The following RTTN variants were observed in gnomAD, a reference collection of about 807,000 sequenced individuals.
RTTN encodes rotatin.
In RTTN, 182 loss-of-function variants were observed where a neutral mutation model predicts 269.2. The ratio of observed to expected loss-of-function variants is 0.68; its 90% confidence interval spans 0.60 to 0.76. RTTN has a LOEUF of 0.76. Ranked by LOEUF, RTTN falls within the 30% of genes least tolerant of loss-of-function variation. RTTN has a pLI of 0.00. For missense variants in RTTN, 2,545 were observed against 2,608.6 expected (o/e 0.98, Z 0.53); for synonymous variants, 1,006 against 963.5 (o/e 1.04, Z -0.82).
At chr18:70,196,428 TAA>T in intron 7 of RTTN, 71 bp downstream of exon 7, 1 of 1,340,906 alleles carries the variant, frequency 7.5e-7, no homozygotes, top group Non-Finnish European at 1.0e-6. Context: ...ACCCTAACAG[TAA>T]CTATAATGGA....
chr18:70,030,840 A>C (rs565911943), intron 41 of RTTN, 36 bp downstream of exon 41: 1 of 1,426,908 alleles, frequency 7.0e-7, no homozygotes, highest in East Asian at 2.3e-5. Context: ...TGAATTGATA[A>C]TGCCATCAAA....
chr18:70,092,286 TA>T, intron 29 of RTTN, 66 bp from the exon 30 acceptor site: 1 of 991,366 alleles, frequency 1.0e-6, no homozygotes, highest in Middle Eastern at 2.1e-4. Flanking sequence ...GCAGGAAGGT[TA>T]AAACAAGAAT....
intron 28 of RTTN, among the ~76,000 whole-genome samples, chr18:70,095,855 G>A (rs1240515738): frequency 6.6e-6 from 1 of 151,960 alleles, no homozygotes; most frequent in Non-Finnish European, 1.5e-5. Context: ...TGATAGGTTG[G>A]GGAAGTTCTC....
At chr18:70,041,635 T>C (rs181391196) in intron 40 of RTTN, among the ~76,000 whole-genome samples, 1 of 152,308 alleles carries the variant, frequency 6.6e-6, no homozygotes, top group Non-Finnish European at 1.5e-5. Context: ...CCAGTTTCTA[T>C]GTAACTAAGC....
intron 30 of RTTN, among the ~76,000 whole-genome samples, chr18:70,088,597 G>A (rs761442277): frequency 4.6e-5 from 7 of 151,964 alleles, no homozygotes; most frequent in East Asian, 1.9e-4. Context: ...AAGGCATTTC[G>A]TATTTTCCTC....
intron 40 of RTTN, among the ~76,000 whole-genome samples, chr18:70,036,997 G>A (rs2057194321): frequency 6.6e-6 from 1 of 152,202 alleles, no homozygotes; most frequent in African/African-American, 2.4e-5. Flanking sequence ...AGCAGCGACT[G>A]GGGGACTTCA....
intron 32 of RTTN, among the ~76,000 whole-genome samples, chr18:70,083,617 T>C (rs1555720622): frequency 6.6e-6 from 1 of 152,148 alleles, no homozygotes; most frequent in Non-Finnish European, 1.5e-5. Context: ...TTTAATACTT[T>C]AAAAAAATAA....
chr18:70,040,362 T>A (rs1036932960), intron 40 of RTTN, among the ~76,000 whole-genome samples: 1 of 151,962 alleles, frequency 6.6e-6, no homozygotes, highest in Non-Finnish European at 1.5e-5. Flanking sequence ...ACAAAAACTG[T>A]AAGGACAGAC....
chr18:70,144,345 G>A (rs753495296), intron 18 of RTTN, among the ~76,000 whole-genome samples: 3 of 152,090 alleles, frequency 2.0e-5, no homozygotes, highest in African/African-American at 2.4e-5. Context: ...TGGTATTCCC[G>A]TGGGCCTCTC....
intron 32 of RTTN, among the ~76,000 whole-genome samples, chr18:70,080,143 A>G (rs928159903): frequency 1.3e-5 from 2 of 152,092 alleles, no homozygotes; most frequent in Admixed American, 1.3e-4. Flanking sequence ...ATACATATTA[A>G]TCATATCAAA....
At chr18:70,081,619 T>C (rs1444676095) in intron 32 of RTTN, among the ~76,000 whole-genome samples, 1 of 152,118 alleles carries the variant, frequency 6.6e-6, no homozygotes, top group Non-Finnish European at 1.5e-5. Context: ...CTAATTGAAG[T>C]ATATTACAAC....
At position 70,011,905 on chromosome 18, in the gene RTTN, G is replaced by A. The variant is rs184896375; in HGVS notation, c.6422-5421C>T. Among the ~76,000 whole-genome samples, 64 of 150,982 alleles carry A rather than the reference G, an allele frequency of 4.2e-4. No individual in the cohort carries two copies. In the South Asian group the frequency reaches 0.013, roughly 30 times the overall value. On this transcript the variant is annotated intron_variant, in intron 46 of 48. Transcript: ENST00000640769. Reference sequence around the variant, plus strand: ...TCACTGGTGTTAGATAGAGGGTAGCGTCTGCTCCTGGTATTGGTTAGAAGG... The same window carrying A: ...TCACTGGTGTTAGATAGAGGGTAGCATCTGCTCCTGGTATTGGTTAGAAGG...
At chr18:70,051,579 T>A (rs772772992) in intron 38 of RTTN, 31 bp from the exon 39 acceptor site, 6 of 1,523,278 alleles carry the variant, frequency 3.9e-6, no homozygotes, top group Non-Finnish European at 5.4e-6. Context: ...CTTCAAGTTA[T>A]TAACACAAAG....
intron 35 of RTTN, 71 bp downstream of exon 35, chr18:70,065,758 T>C: frequency 9.8e-7 from 1 of 1,020,266 alleles, no homozygotes. Context: ...GACATTTACT[T>C]TCAAAATATC....
intron 21 of RTTN, 97 bp from the exon 22 acceptor site, chr18:70,135,377 C>T (rs1414681977): frequency 1.4e-5 from 10 of 700,190 alleles, no homozygotes; most frequent in Non-Finnish European, 2.1e-5. Flanking sequence ...AAAAGAAATG[C>T]AACATAAACC....
In RTTN at chr18:70,075,476, A is replaced by G. The variant is rs202069774; in HGVS notation, c.4440T>C (p.Leu1480=). ...SLIGKPALQA[L]LYHCHFYEHL... ...GTTCATAAAAATGGCAGTGATATAA[A>G]AGAGCCTGAAGGGCAGGTTTTCCAA... Residue 1480 remains leucine, a synonymous_variant, in exon 33 of 49, where the codon CTT becomes CTC. Coordinates refer to ENST00000640769, the MANE Select transcript of RTTN (RefSeq NM_173630.4). 1 of 1,608,474 alleles carries G rather than the reference A, an allele frequency of 6.2e-7. No homozygotes were observed. Among genetic ancestry groups the G allele is most frequent in the African/African-American group, 1.3e-5 (1 of 74,568 alleles).
At chr18:70,077,456 A>G (rs2058457021) in intron 32 of RTTN, among the ~76,000 whole-genome samples, 1 of 151,998 alleles carries the variant, frequency 6.6e-6, no homozygotes, top group Non-Finnish European at 1.5e-5. Context: ...GCTGATGGCC[A>G]TACCAACTGT....
intron 28 of RTTN, among the ~76,000 whole-genome samples, chr18:70,097,880 A>G (rs1161393962): frequency 6.6e-6 from 1 of 152,202 alleles, no homozygotes; most frequent in Non-Finnish European, 1.5e-5. Context: ...TTTTAAAACA[A>G]AAGCACTTCT....
rs376967382 is a variant in RTTN at position 70,088,038 on chromosome 18, A to G, written c.4253T>C (p.Val1418Ala). 3.7e-5 allele frequency: 59 copies of G among 1,613,664 alleles called. No homozygotes were observed. The Middle Eastern group carries it at 1.8e-3, about 49-fold the overall frequency. The change falls in exon 31 of 49, where the codon GTG (valine) becomes GCG (alanine). Residue 1418 changes from valine to alanine, a missense_variant. Val to Ala is a moderately conservative substitution (Grantham distance 64, BLOSUM62 0). Transcript: ENST00000640769. The stretch of plus-strand genomic sequence containing the variant: ...TGACTGGTCCAGAAGAATGTTCACC[A>G]CAGTTCCCCAGAGCCCACCGGAAAT... ...QNISGGLWGT[V>A]VNILLDQSEC...
Sources: gnomAD v4.1 joint callset for allele counts (sites outside exome capture counted in the v4.1 genomes callset) on GRCh38, gnomAD v4.1.1 for gene constraint, MANE v1.5 for transcripts, NCBI Gene and HGNC (gene_info 2026-07-23, HGNC 2026-07-21) for gene names.